Variants in MARK1 observed in about 807,000 individuals in gnomAD.
The protein encoded by MARK1 is microtubule affinity regulating kinase 1, also known as serine/threonine-protein kinase MARK1.
MARK1 carries 40 observed loss-of-function variants against 96.3 expected under a neutral mutation model. That is an observed-to-expected ratio of 0.42 (90% CI 0.32 to 0.54). MARK1 has a LOEUF of 0.54. Ranked by LOEUF, MARK1 falls within the 20% of genes least tolerant of loss-of-function variation. MARK1 has a pLI of 0.16. For missense variants in MARK1, 719 were observed against 984.6 expected (o/e 0.73, Z 3.61); for synonymous variants, 317 against 341.2 (o/e 0.93, Z 0.78).
intron 13 of MARK1, among the ~76,000 whole-genome samples, chr1:220,640,777 A>G (rs891885250): frequency 2.0e-5 from 3 of 152,178 alleles, no homozygotes; most frequent in Non-Finnish European, 4.4e-5. Flanking sequence ...GGGGCCAAAT[A>G]TGCTTTTTAT....
intron 3 of MARK1, among the ~76,000 whole-genome samples, chr1:220,586,972 G>A (rs1261163627): frequency 6.6e-6 from 1 of 152,062 alleles, no homozygotes; most frequent in Non-Finnish European, 1.5e-5. Context: ...GCACTAAAAT[G>A]TTTTGTTCTA....
chr1:220,647,169 A>G (rs1668626012), intron 13 of MARK1, among the ~76,000 whole-genome samples: 1 of 152,216 alleles, frequency 6.6e-6, no homozygotes, highest in South Asian at 2.1e-4. Flanking sequence ...ACAAAGGTCT[A>G]ACATCCAGAA....
At chr1:220,583,734 C>T (rs1440015162) in intron 3 of MARK1, among the ~76,000 whole-genome samples, 1 of 151,354 alleles carries the variant, frequency 6.6e-6, no homozygotes, top group African/African-American at 2.4e-5. Flanking sequence ...CTGCAACCTC[C>T]ACCTCCCAGG....
intron 17 of MARK1, among the ~76,000 whole-genome samples, chr1:220,661,300 G>A (rs529724966): frequency 1.3e-5 from 2 of 152,278 alleles, no homozygotes; most frequent in African/African-American, 4.8e-5. Flanking sequence ...ATTGAGATGT[G>A]TGGTATAATC....
intron 6 of MARK1, among the ~76,000 whole-genome samples, chr1:220,606,210 A>G (rs1278168827): frequency 6.6e-6 from 1 of 151,844 alleles, no homozygotes; most frequent in Non-Finnish European, 1.5e-5. Flanking sequence ...TGCCATTTTA[A>G]CCATTCTAAC....
At chr1:220,565,189 T>C (rs1662962233) in intron 1 of MARK1, among the ~76,000 whole-genome samples, 1 of 152,216 alleles carries the variant, frequency 6.6e-6, no homozygotes, top group Non-Finnish European at 1.5e-5. Flanking sequence ...TATATTTTAA[T>C]TATATCCATC....
chr1:220,532,742 A>G (rs1338969951), intron 1 of MARK1, among the ~76,000 whole-genome samples: 1 of 152,106 alleles, frequency 6.6e-6, no homozygotes, highest in Non-Finnish European at 1.5e-5. Flanking sequence ...AGAGTGGCTC[A>G]TGCCTCTAAT....
intron 13 of MARK1, among the ~76,000 whole-genome samples, chr1:220,643,492 G>A (rs1305891656): frequency 3.9e-5 from 6 of 152,088 alleles, no homozygotes; most frequent in Non-Finnish European, 8.8e-5. Context: ...AACCAAGTTG[G>A]AAAACACACT....
Position 220,528,926 on chromosome 1 carries a change from T to A in MARK1, c.51+53T>A, listed in dbSNP as rs887355692. 4.0e-6 allele frequency: 6 copies of A among 1,496,524 alleles called. No homozygotes were observed. The South Asian group carries it at 7.6e-5, about 19-fold the overall frequency. 92.7% of individuals were successfully genotyped at this position (1,496,524 alleles called of 1,614,324 possible). A position where few individuals can be genotyped will look rare whatever the true frequency, so the allele number is the denominator to read the frequency against. On this transcript the variant is annotated intron_variant, in intron 1 of 17. Transcript: ENST00000366917. ...CAGTGGGGGCGAGACCCTCCTCTGA[T>A]CCCCACTTCACCCGCGCTTGGGCCG... is the stretch of plus-strand genomic sequence containing the variant.
At chr1:220,548,781 T>C (rs1336339982) in intron 1 of MARK1, among the ~76,000 whole-genome samples, 1 of 152,038 alleles carries the variant, frequency 6.6e-6, no homozygotes, top group Admixed American at 6.6e-5. Flanking sequence ...TAATAATAAT[T>C]AATAAATAAA....
intron 1 of MARK1, among the ~76,000 whole-genome samples, chr1:220,563,210 A>C (rs774137607): frequency 3.9e-5 from 6 of 152,214 alleles, no homozygotes; most frequent in Non-Finnish European, 5.9e-5. Flanking sequence ...AATTAATGTA[A>C]TTCTTGATTT....
chr1:220,650,458 C>G (rs1215440417), intron 13 of MARK1, among the ~76,000 whole-genome samples, 162 bp from the exon 14 acceptor site: 1 of 152,182 alleles, frequency 6.6e-6, no homozygotes, highest in African/African-American at 2.4e-5. Flanking sequence ...TCTTTTACTT[C>G]TGAAATCTAA....
chr1:220,642,799 C>T (rs1423109033), intron 13 of MARK1, among the ~76,000 whole-genome samples: 2 of 152,156 alleles, frequency 1.3e-5, no homozygotes, highest in South Asian at 4.1e-4. Context: ...GTTCTGCAGC[C>T]TCCACTGGTG....
At chr1:220,573,149 TTTG>T (rs1237213461) in intron 1 of MARK1, among the ~76,000 whole-genome samples, 2 of 152,092 alleles carry the variant, frequency 1.3e-5, no homozygotes, top group Admixed American at 1.3e-4. Flanking sequence ...TGTTTGTTTG[TTTG>T]TTTTGGTATT....
At chr1:220,551,866 G>A (rs372718770) in intron 1 of MARK1, among the ~76,000 whole-genome samples, 18 of 152,002 alleles carry the variant, frequency 1.2e-4, no homozygotes, top group Middle Eastern at 3.4e-3. Context: ...CTTTGCTCTC[G>A]GCAAACACTT....
rs1289572744 is a variant in MARK1 at position 220,528,677 on chromosome 1, G to A, written c.-146G>A. The stretch of plus-strand genomic sequence containing the variant: ...TCCTCTTCCCTCTTTCCCCCGCCGG[G>A]GCCGCTTGTTGCACCGCCCCGCGGC... On this transcript the variant is annotated 5_prime_UTR_variant, in exon 1 of 18. Transcript: ENST00000366917. The A allele has an allele frequency of 8.3e-6, 5 of 600,358 alleles. No homozygotes were observed. The highest frequency in any genetic ancestry group is 4.6e-4 in the Middle Eastern group (1 of 2,158). The allele number at this position is 600,358 out of a possible 1,614,324, so 37.2% of individuals were successfully genotyped here.
At chr1:220,565,845 C>T (rs1208558924) in intron 1 of MARK1, among the ~76,000 whole-genome samples, 2 of 152,216 alleles carry the variant, frequency 1.3e-5, no homozygotes, top group Non-Finnish European at 2.9e-5. Context: ...CCTTGCAAAG[C>T]TTACCATGTA....
intron 13 of MARK1, among the ~76,000 whole-genome samples, chr1:220,638,084 G>A (rs1668069814): frequency 6.7e-6 from 1 of 150,068 alleles, no homozygotes; most frequent in Non-Finnish European, 1.5e-5. Context: ...TACCTGATCT[G>A]TTTAGAAATG....
intron 1 of MARK1, among the ~76,000 whole-genome samples, chr1:220,563,334 G>A (rs1351033183): frequency 6.6e-6 from 1 of 152,078 alleles, no homozygotes; most frequent in South Asian, 2.1e-4. Context: ...GAAAAATAAT[G>A]GCTAACATTT....
Sources: gnomAD v4.1 joint callset for allele counts (sites outside exome capture counted in the v4.1 genomes callset) on GRCh38, gnomAD v4.1.1 for gene constraint, MANE v1.5 for transcripts, NCBI Gene and HGNC (gene_info 2026-07-23, HGNC 2026-07-21) for gene names.